The following ZAP70 variants were observed in gnomAD, a reference collection of about 807,000 sequenced individuals.
ZAP70 encodes the protein zeta chain of T cell receptor associated protein kinase 70.
In ZAP70, 27 loss-of-function variants were observed where a neutral mutation model predicts 65.8. That is an observed-to-expected ratio of 0.41 (90% CI 0.30 to 0.57). ZAP70 has a LOEUF of 0.57. Ranked by LOEUF, ZAP70 falls within the 20% of genes least tolerant of loss-of-function variation. ZAP70 has a pLI of 0.28. For synonymous variants in ZAP70, 363 were observed against 360.8 expected, an observed-to-expected ratio of 1.01 and a Z score of -0.07; for missense variants, 696 against 870.5, an observed-to-expected ratio of 0.80 and a Z score of 2.52.
chr2:97,734,792 C>T, intron 9 of ZAP70, 80 bp downstream of exon 9: 1 of 1,558,098 alleles, frequency 6.4e-7, no homozygotes, highest in Non-Finnish European at 8.8e-7. Context: ...GGGACGGGAG[C>T]CGGGATGTCT....
chr2:97,719,553 T>TGGCG (rs1553572098), intron 2 of ZAP70, among the ~76,000 whole-genome samples: 4 of 89,134 alleles, frequency 4.5e-5, no homozygotes, highest in African/African-American at 1.7e-4. Context: ...GAGAACAGCC[T>TGGCG]GGGGGGGGGG....
chr2:97,738,163 C>T (rs1677989065), intron 13 of ZAP70, 56 bp downstream of exon 13: 14 of 1,479,950 alleles, frequency 9.5e-6, no homozygotes, highest in Non-Finnish European at 1.3e-5. Flanking sequence ...AGTCCTGGTG[C>T]CCGATGAGTT....
chr2:97,754,063 T>G, the ZAP70 span, among the ~76,000 whole-genome samples: 1 of 152,226 alleles, frequency 6.6e-6, no homozygotes, highest in African/African-American at 2.4e-5. Flanking sequence ...AAATTCAACC[T>G]TGGCCTAGTA....
chr2:97,724,601 G>C (rs1010883080), intron 3 of ZAP70, 163 bp downstream of exon 3: 1 of 1,534,094 alleles, frequency 6.5e-7, no homozygotes, highest in Non-Finnish European at 8.7e-7. Context: ...CTGAAAGGAG[G>C]CCTCAGAGGC....
At chr2:97,724,923 G>T in intron 3 of ZAP70, 169 bp from the exon 4 acceptor site, 1 of 1,534,032 alleles carries the variant, frequency 6.5e-7, no homozygotes, top group Non-Finnish European at 8.7e-7. Flanking sequence ...AGCTGGATTG[G>T]GGAGGGGACC....
intron 9 of ZAP70, 163 bp from the exon 10 acceptor site, chr2:97,735,087 C>A: frequency 2.4e-6 from 2 of 838,328 alleles, no homozygotes; most frequent in South Asian, 3.3e-5. Context: ...TCAGCAGACG[C>A]TCCAGGCTGC....
rs753793928 is a variant in ZAP70 at position 97,725,085 on chromosome 2, T to C, written c.403-7T>C. ...ACCTACAGACCTCCTCGCCTCTCCTTTTCTAGGGCGAGGCCCTGGAGCAGG... is the reference window on the plus strand; with the variant it reads ...ACCTACAGACCTCCTCGCCTCTCCTCTTCTAGGGCGAGGCCCTGGAGCAGG... On this transcript the variant is annotated splice_polypyrimidine_tract_variant and splice_region_variant and intron_variant, in intron 3 of 13. Coordinates refer to ENST00000264972, the MANE Select transcript of ZAP70 (RefSeq NM_001079.4). 8 of 1,613,852 alleles carry C rather than the reference T, an allele frequency of 5.0e-6. No homozygotes were observed. In the South Asian group the frequency reaches 5.5e-5, roughly 11 times the overall value.
rs1677913850 is a variant in ZAP70 at position 97,736,964 on chromosome 2, C to T, written c.1290-509C>T. ...GAGGGCCTGGGCGGAGCTGACTATT[C>T]CTGCCTGGGGGTCCAGGTGAGTGAT... On this transcript the variant is annotated intron_variant, in intron 10 of 13. Coordinates refer to ENST00000264972, the MANE Select transcript of ZAP70 (RefSeq NM_001079.4). The surrounding 1 kb of genome is among the most constrained non-coding windows in gnomAD (Gnocchi z 4.0). Among the ~76,000 whole-genome samples the T allele has an allele frequency of 6.6e-6, 1 of 152,000 alleles. No homozygotes were observed. Among genetic ancestry groups the T allele is most frequent in the Non-Finnish European group, 1.5e-5 (1 of 67,988 alleles).
chr2:97,724,469 G>C, intron 3 of ZAP70, 31 bp downstream of exon 3: 2 of 1,518,854 alleles, frequency 1.3e-6, no homozygotes, highest in Non-Finnish European at 1.8e-6. Context: ...GCGGGGTCTG[G>C]AGGGGCGTGG....
chr2:97,725,142 G>T lies in ZAP70; in HGVS notation c.453G>T (p.Lys151Asn). 1 of 1,614,150 alleles carries T rather than the reference G, an allele frequency of 6.2e-7. No individual in the cohort carries two copies. The highest frequency in any genetic ancestry group is 8.5e-7 in the Non-Finnish European group (1 of 1,180,018). ...TCAGCCAGGCCCCGCAGGTGGAGAAGCTCATTGCTACGACGGCCCACGAGC... is the reference window on the plus strand; with the variant it reads ...TCAGCCAGGCCCCGCAGGTGGAGAATCTCATTGCTACGACGGCCCACGAGC... ...AIISQAPQVE[K>N]LIATTAHERM... The change falls in exon 4 of 14, where the codon AAG (lysine) becomes AAT (asparagine). Residue 151 changes from lysine (K) to asparagine (N), a missense_variant. Lys to Asn is a moderately conservative substitution (Grantham distance 94, BLOSUM62 0). Transcript: ENST00000264972.
At chr2:97,754,668 GC>G in the ZAP70 span, among the ~76,000 whole-genome samples, 1 of 152,236 alleles carries the variant, frequency 6.6e-6, no homozygotes, top group Non-Finnish European at 1.5e-5. Flanking sequence ...CTCCCAAGGT[GC>G]TGGGACTACA....
the ZAP70 span, among the ~76,000 whole-genome samples, chr2:97,745,161 C>T: frequency 2.0e-5 from 3 of 152,294 alleles, no homozygotes; most frequent in Middle Eastern, 3.4e-3. Context: ...GCCTCAGCCT[C>T]CTGAGTAGCT....
intron 4 of ZAP70, among the ~76,000 whole-genome samples, chr2:97,732,024 T>G (rs1677630731): frequency 6.6e-6 from 1 of 152,072 alleles, no homozygotes; most frequent in Non-Finnish European, 1.5e-5. Flanking sequence ...TGGGGCTTCA[T>G]GCGAGGGTGC....
At chr2:97,714,974 T>C (rs1222421449) in intron 2 of ZAP70, among the ~76,000 whole-genome samples, 1 of 152,148 alleles carries the variant, frequency 6.6e-6, no homozygotes, top group Non-Finnish European at 1.5e-5. Flanking sequence ...ACCGCATCTC[T>C]CTGTGCTTCC....
At chr2:97,747,816 T>G in the ZAP70 span, among the ~76,000 whole-genome samples, 344 of 42,652 alleles carry the variant, frequency 8.1e-3, 6 homozygotes, top group African/African-American at 0.035. Flanking sequence ...TGGCACGAGG[T>G]TTTTTTTTTT....
At chr2:97,735,491 G>A in intron 10 of ZAP70, 35 bp downstream of exon 10, 1 of 1,590,638 alleles carries the variant, frequency 6.3e-7, no homozygotes. Flanking sequence ...TCGGGTGGGT[G>A]GGGCCGGGGC....
rs1310156774 is a variant in ZAP70 at position 97,724,416 on chromosome 2, T to C, written c.380T>C (p.Val127Ala). ...CGAGACGCCATGGTGCGTGACTACG[T>C]GCGCCAGACGTGGAAGCTGGAGGTG... ...CLRDAMVRDY[V>A]RQTWKLEGEA... is the part of the protein sequence containing the mutation. Residue 127 changes from valine to alanine, a missense_variant, in exon 3 of 14, where the codon GTG (valine) becomes GCG (alanine). Transcript: ENST00000264972. 3 of 1,537,796 alleles carry C rather than the reference T, an allele frequency of 2.0e-6. No homozygotes were observed. In the South Asian group the frequency reaches 3.7e-5, roughly 19 times the overall value.
Position 97,735,396 on chromosome 2 carries a change from T to C in ZAP70, c.1229T>C (p.Leu410Pro). The C allele has an allele frequency of 6.2e-7, 1 of 1,613,926 alleles. No homozygotes were observed. Among genetic ancestry groups the C allele is most frequent in the Non-Finnish European group, 8.5e-7 (1 of 1,179,908 alleles). The change falls in exon 10 of 14, where the codon CTC (leucine) becomes CCC (proline). Residue 410 changes from leucine to proline, a missense_variant. Transcript: ENST00000264972. ...ATTGGCGTCTGCCAGGCCGAGGCCCTCATGCTGGTCATGGAGATGGCTGGG... is the reference window on the plus strand; with the variant it reads ...ATTGGCGTCTGCCAGGCCGAGGCCCCCATGCTGGTCATGGAGATGGCTGGG... ...RLIGVCQAEA[L>P]MLVMEMAGGG...
chr2:97,719,562 G>GC (rs1156529033), intron 2 of ZAP70, among the ~76,000 whole-genome samples: 4 of 148,400 alleles, frequency 2.7e-5, no homozygotes, highest in South Asian at 2.3e-4. Context: ...CTGGGGGGGG[G>GC]GCGCAGACCA....
Sources: allele counts gnomAD v4.1 joint callset (sites outside exome capture counted in the v4.1 genomes callset), GRCh38; gene constraint gnomAD v4.1.1; non-coding constraint Gnocchi (gnomAD v3.1); transcripts MANE v1.5; gene names NCBI Gene and HGNC (gene_info 2026-07-23, HGNC 2026-07-21).